MPDZ: variants seen among roughly 807,000 people sequenced by gnomAD.
The protein encoded by MPDZ is multiple PDZ domain crumbs cell polarity complex component.
Under a neutral mutation model 239.1 loss-of-function variants are expected in MPDZ, and 234 were observed. The ratio of observed to expected loss-of-function variants is 0.98; its 90% CI spans 0.88 to 1.09. MPDZ has a LOEUF of 1.09. Among genes scored for constraint, MPDZ ranks in the 50% least tolerant of loss-of-function variants. The pLI, the probability that MPDZ is intolerant of heterozygous loss-of-function variation, is 0.00. For synonymous variants in MPDZ, 1,048 were observed against 881.3 expected (o/e 1.19, Z -3.35); for missense variants, 3,175 against 2,510.0 (o/e 1.26, Z -5.66).
chr9:13,271,058 C>T (rs1217040112), intron 1 of MPDZ, among the ~76,000 whole-genome samples: 1 of 152,134 alleles, frequency 6.6e-6, no homozygotes, highest in Admixed American at 6.5e-5. Context: ...CGGTAGGATA[C>T]AAAAGTTTAT....
chr9:13,257,447 T>C (rs1355526124), intron 1 of MPDZ, among the ~76,000 whole-genome samples: 1 of 152,180 alleles, frequency 6.6e-6, no homozygotes, highest in Non-Finnish European at 1.5e-5. Context: ...TCTATCACAC[T>C]ACCCATATTT....
intron 1 of MPDZ, among the ~76,000 whole-genome samples, chr9:13,269,597 TTC>T (rs1184807493): frequency 6.6e-6 from 1 of 152,226 alleles, no homozygotes; most frequent in African/African-American, 2.4e-5. Flanking sequence ...CCTCTAGTGC[TTC>T]TGTTAATTGA....
chr9:13,109,677 G>A (rs2131033179), intron 45 of MPDZ, among the ~76,000 whole-genome samples: 1 of 152,248 alleles, frequency 6.6e-6, no homozygotes, highest in South Asian at 2.1e-4. Flanking sequence ...AGACTAAAAT[G>A]TCCTCCGCCC....
At chr9:13,247,472 G>C (rs766238848) in intron 3 of MPDZ, among the ~76,000 whole-genome samples, 163 bp downstream of exon 3, 5 of 152,080 alleles carry the variant, frequency 3.3e-5, no homozygotes, top group Admixed American at 6.6e-5. Flanking sequence ...AAATAACTAG[G>C]AGGAAAAAAG....
Position 13,225,782 on chromosome 9 carries a change from A to G in MPDZ, c.184-1199T>C, listed in dbSNP as rs547354992. Among the ~76,000 whole-genome samples, 17 of 152,150 alleles carry G rather than the reference A, an allele frequency of 1.1e-4. No homozygotes were observed. In the South Asian group the frequency reaches 3.5e-3, roughly 32 times the overall value. ...CCTACGATGTTTGCACAAGGATGAA[A>G]TCACCTAATGACACATGGCTGTACT... On this transcript the variant is annotated intron_variant, in intron 3 of 46. Transcript: ENST00000319217.
At chr9:13,109,123 T>A (rs1378963612) in intron 45 of MPDZ, 64 bp from the exon 46 acceptor site, 2 of 1,155,568 alleles carry the variant, frequency 1.7e-6, no homozygotes, top group African/African-American at 3.2e-5. Flanking sequence ...ATATATGTTA[T>A]GAATTATCTG....
chr9:13,118,763 A>G (rs1943888637), intron 39 of MPDZ, among the ~76,000 whole-genome samples: 2 of 152,344 alleles, frequency 1.3e-5, no homozygotes, highest in South Asian at 2.1e-4. Flanking sequence ...GTGCTTTACA[A>G]TTAATTCATT....
At chr9:13,219,841 G>A in intron 7 of MPDZ, 73 bp from the exon 8 acceptor site, 4 of 1,438,184 alleles carry the variant, frequency 2.8e-6, no homozygotes, top group Non-Finnish European at 3.8e-6. Flanking sequence ...AATGAGAAGG[G>A]ATTAATTTTA....
At chr9:13,131,432 C>T (rs1261079959) in intron 32 of MPDZ, among the ~76,000 whole-genome samples, 1 of 152,142 alleles carries the variant, frequency 6.6e-6, no homozygotes, top group Non-Finnish European at 1.5e-5. Context: ...TTTTCCTCAT[C>T]TCAGGAGGAA....
At chr9:13,250,680 T>C (rs192299103) in intron 1 of MPDZ, among the ~76,000 whole-genome samples, 347 of 152,282 alleles carry the variant, frequency 2.3e-3, no homozygotes, top group Non-Finnish European at 3.8e-3. Flanking sequence ...CACTATAATC[T>C]TGTATTCACT....
chr9:13,279,322 C>G (rs1395106584), intron 1 of MPDZ, 78 bp downstream of exon 1: 2 of 141,252 alleles, frequency 1.4e-5, no homozygotes, highest in Admixed American at 6.9e-5. Context: ...AGGGCGCCCG[C>G]GCACCTTCCC....
chr9:13,131,708 T>G (rs1466102769), intron 32 of MPDZ, among the ~76,000 whole-genome samples: 1 of 152,158 alleles, frequency 6.6e-6, no homozygotes, highest in Non-Finnish European at 1.5e-5. Context: ...TTCTAGAGGG[T>G]GGATGCTGGG....
chr9:13,166,874 A>G (rs1010050204), intron 22 of MPDZ, among the ~76,000 whole-genome samples: 2 of 152,162 alleles, frequency 1.3e-5, no homozygotes, highest in Non-Finnish European at 2.9e-5. Flanking sequence ...GACCAGATGC[A>G]TGACTTATGC....
chr9:13,175,394 C>T (rs1465968841), intron 21 of MPDZ, among the ~76,000 whole-genome samples: 1 of 152,130 alleles, frequency 6.6e-6, no homozygotes, highest in East Asian at 1.9e-4. Flanking sequence ...TTCAAAGTAA[C>T]TAATAATTTA....
chr9:13,277,652 C>T (rs1045099705), intron 1 of MPDZ, among the ~76,000 whole-genome samples: 1 of 152,098 alleles, frequency 6.6e-6, no homozygotes, highest in Non-Finnish European at 1.5e-5. Context: ...GCAACCGCTG[C>T]CTCCCGGGTT....
At chr9:13,187,897 G>C (rs142123285) in intron 17 of MPDZ, among the ~76,000 whole-genome samples, 1 of 152,070 alleles carries the variant, frequency 6.6e-6, no homozygotes, top group Non-Finnish European at 1.5e-5. Flanking sequence ...ATGTAGCACG[G>C]ATTCATAAAG....
chr9:13,188,972 T>C lies in MPDZ; in HGVS notation c.2176A>G (p.Thr726Ala). ...ACCAAAGAACGAATTATAATCACAG[T>C]GCTTGCTGGATCAATTGGATCCTGA... ...DYQDPIDPAS[T>A]VIIIRSLVPG... Residue 726 changes from threonine to alanine, a missense_variant, in exon 17 of 47, where the codon ACT becomes GCT. Transcript: ENST00000319217. 6.2e-7 allele frequency: 1 copy of C among 1,613,120 alleles called. No homozygotes were observed. The highest frequency in any genetic ancestry group is 2.2e-5 in the East Asian group (1 of 44,768).
At chr9:13,144,905 A>G (rs1362095914) in intron 26 of MPDZ, among the ~76,000 whole-genome samples, 2 of 152,080 alleles carry the variant, frequency 1.3e-5, no homozygotes, top group Non-Finnish European at 2.9e-5. Flanking sequence ...GGTGACAAAT[A>G]TATCCTAGGC....
intron 1 of MPDZ, chr9:13,274,619 C>T (rs59928684): frequency 8.3e-6 from 1 of 120,386 alleles, no homozygotes; most frequent in Admixed American, 8.5e-5. Flanking sequence ...ACCTAAAAAA[C>T]AAAAAAAAAA....
Sources: gnomAD v4.1 joint callset for allele counts (sites outside exome capture counted in the v4.1 genomes callset) on GRCh38, gnomAD v4.1.1 for gene constraint, MANE v1.5 for transcripts, NCBI Gene and HGNC (gene_info 2026-07-23, HGNC 2026-07-21) for gene names.